SPART: variants seen among roughly 807,000 people sequenced by gnomAD.
The protein encoded by SPART is spastic paraplegia 20 (Troyer syndrome).
A neutral mutation model predicts 58.7 loss-of-function variants in SPART; 35 were observed. The ratio of observed to expected loss-of-function variants is 0.60; its 90% confidence interval spans 0.46 to 0.79. SPART has a LOEUF of 0.79. Ranked by LOEUF, SPART falls within the 30% of genes least tolerant of loss-of-function variation. SPART has a pLI of 0.00. For synonymous variants in SPART, 284 were observed against 280.7 expected, an observed-to-expected ratio of 1.01 and a Z score of -0.12; for missense variants, 730 against 786.1, an observed-to-expected ratio of 0.93 and a Z score of 0.85.
In SPART at chr13:36,329,448, G is replaced by T; in HGVS notation, c.1078C>A (p.Gln360Lys). The change falls in exon 4 of 9, where the codon CAA (glutamine) becomes AAA (lysine). Residue 360 changes from glutamine to lysine, a missense_variant. Physicochemically the swap from Gln to Lys is moderately conservative, Grantham distance 53. Transcript: ENST00000438666. Reference protein sequence around the residue: ...IPGRTRPSSDQLKEASGTDVK... With the variant: ...IPGRTRPSSDKLKEASGTDVK... ...TCAGTGCCAGAGGCTTCTTTTAGTT[G>T]GTCAGAGGAGGGTCTAGTTCTTCCA... is the stretch of plus-strand genomic sequence containing the variant. The T allele has an allele frequency of 6.8e-6, 11 of 1,614,012 alleles. No homozygotes were observed. The highest frequency in any genetic ancestry group is 9.3e-6 in the Non-Finnish European group (11 of 1,179,968).
intron 1 of SPART, among the ~76,000 whole-genome samples, chr13:36,341,621 T>C (rs1884598178): frequency 6.6e-6 from 1 of 152,136 alleles, no homozygotes; most frequent in Admixed American, 6.5e-5. Context: ...TTCACTGATA[T>C]GAAACTATTT....
At chr13:36,355,197 T>C (rs1885573908) in intron 1 of SPART, among the ~76,000 whole-genome samples, 2 of 152,206 alleles carry the variant, frequency 1.3e-5, no homozygotes, top group Non-Finnish European at 2.9e-5. Context: ...CACCTTGCTT[T>C]GTTGCCAGGC....
intron 5 of SPART, 74 bp from the exon 6 acceptor site, chr13:36,314,495 C>A: frequency 7.2e-7 from 1 of 1,394,650 alleles, no homozygotes; most frequent in Admixed American, 1.7e-5. Context: ...TAAATAACAT[C>A]AACCAGAAAA....
At position 36,342,010 on chromosome 13, in the gene SPART, G is replaced by C. The variant is rs141472071; in HGVS notation, c.-3+4215C>G. Among the ~76,000 whole-genome samples, 1,442 of 152,284 alleles carry C rather than the reference G, an allele frequency of 9.5e-3. 27 individuals carry two copies. The highest frequency in any genetic ancestry group is 0.033 in the African/African-American group (1,363 of 41,544). On this transcript the variant is annotated intron_variant, in intron 1 of 8. Coordinates refer to ENST00000438666, the MANE Select transcript of SPART (RefSeq NM_015087.5). Reference sequence around the variant, plus strand: ...GAGGCCCAGACTAAGGCAGCAGAAAGACAGCAGAGGTTAAATAGGCATCTG... The same window carrying C: ...GAGGCCCAGACTAAGGCAGCAGAAACACAGCAGAGGTTAAATAGGCATCTG...
chr13:36,335,321 A>T lies in SPART; in HGVS notation c.510T>A (p.Ala170=), dbSNP rs980883933. 1 of 1,613,850 alleles carries T rather than the reference A, an allele frequency of 6.2e-7. No individual in the cohort carries two copies. Among genetic ancestry groups the T allele is most frequent in the African/African-American group, 1.3e-5 (1 of 74,898 alleles). The change falls in exon 2 of 9, where the codon GCT becomes GCA. Residue 170 remains alanine, a synonymous_variant. Transcript: ENST00000438666. ...CAGCTTGAGGAGTATAAGCAGGAGGAGCTTCTGCTGGACAACTTTGTGATG... is the reference window on the plus strand; with the variant it reads ...CAGCTTGAGGAGTATAAGCAGGAGGTGCTTCTGCTGGACAACTTTGTGATG... ...SLPSQSCPAE[A]PPAYTPQAAE...
intron 5 of SPART, among the ~76,000 whole-genome samples, chr13:36,321,617 G>T (rs947443378): frequency 2.0e-5 from 3 of 151,806 alleles, no homozygotes; most frequent in African/African-American, 7.3e-5. Context: ...CCCTAATCCC[G>T]CTTGAAGCAG....
rs753824416 is a variant in SPART at position 36,314,409 on chromosome 13, A to G, written c.1301T>C (p.Val434Ala). 6.2e-7 allele frequency: 1 copy of G among 1,614,066 alleles called. No individual in the cohort carries two copies. The highest frequency in any genetic ancestry group is 1.1e-5 in the South Asian group (1 of 91,084). The change falls in exon 6 of 9, where the codon GTG becomes GCG. Residue 434 changes from valine to alanine, a missense_variant. Coordinates refer to ENST00000438666, the MANE Select transcript of SPART (RefSeq NM_015087.5). ...AHNILSGASW[V>A]SWGLVKGAEI... ...AGCACCTTTGACTAAACCCCAACTC[A>G]CCCAGGAAGCACCTTTTTAAAAGAA...
chr13:36,354,744 G>C (rs138436267), intron 1 of SPART, among the ~76,000 whole-genome samples: 11 of 152,300 alleles, frequency 7.2e-5, no homozygotes, highest in Admixed American at 7.2e-4. Flanking sequence ...AGTCCTGTGA[G>C]TCCTCCTAGT....
chr13:36,364,067 C>A (rs942760532), intron 1 of SPART, among the ~76,000 whole-genome samples: 15 of 152,190 alleles, frequency 9.9e-5, no homozygotes, highest in African/African-American at 3.6e-4. Context: ...ACCACCATCA[C>A]AGTCTTCCTG....
At chr13:36,359,932 A>AAAAAAC (rs1555266108) in intron 1 of SPART, among the ~76,000 whole-genome samples, 13 of 151,114 alleles carry the variant, frequency 8.6e-5, no homozygotes, top group African/African-American at 2.4e-4. Context: ...TTAAAAAAAA[A>AAAAAAC]AAAAAAAAAA....
intron 2 of SPART, among the ~76,000 whole-genome samples, chr13:36,331,880 T>TG (rs1339938855): frequency 1.3e-5 from 2 of 152,202 alleles, no homozygotes; most frequent in Non-Finnish European, 2.9e-5. Context: ...TAACCAATAA[T>TG]GACTCCAGCT....
At chr13:36,339,713 G>T (rs1457742872) in intron 1 of SPART, among the ~76,000 whole-genome samples, 1 of 137,488 alleles carries the variant, frequency 7.3e-6, no homozygotes, top group African/African-American at 2.7e-5. Context: ...AGGGATGAAA[G>T]AATTAAAGAA....
chr13:36,311,053 G>T (rs760589968), intron 8 of SPART, among the ~76,000 whole-genome samples: 1 of 152,112 alleles, frequency 6.6e-6, no homozygotes, highest in Non-Finnish European at 1.5e-5. Flanking sequence ...CCTAGTCAGG[G>T]TCTCCTAGAG....
At chr13:36,331,651 TTTTCA>T (rs1883478917) in intron 2 of SPART, 55 bp from the exon 3 acceptor site, 3 of 1,243,112 alleles carry the variant, frequency 2.4e-6, no homozygotes, top group Non-Finnish European at 3.4e-6. Context: ...TGAAACTAGA[TTTTCA>T]TTTATGTTTT....
intron 5 of SPART, among the ~76,000 whole-genome samples, chr13:36,320,556 A>G (rs1005217921): frequency 6.6e-6 from 1 of 152,196 alleles, no homozygotes; most frequent in Non-Finnish European, 1.5e-5. Flanking sequence ...CCTCAAGGAA[A>G]TAACTTCTCA....
rs1294759633 is a variant in SPART at position 36,334,234 on chromosome 13, G to C, written c.810+787C>G. On this transcript the variant is annotated intron_variant, in intron 2 of 8. Transcript: ENST00000438666. ...ATCTTTTAAAACGAGACTGTCACTG[G>C]ACCACTCTCTTCAGAGTACCTCACT... 2.6e-5 allele frequency among the ~76,000 whole-genome samples: 4 copies of C among 151,996 alleles called. No homozygotes were observed. In the East Asian group the frequency reaches 7.7e-4, roughly 29 times the overall value.
chr13:36,361,896 C>A (rs534855021), intron 1 of SPART, among the ~76,000 whole-genome samples: 2 of 152,102 alleles, frequency 1.3e-5, no homozygotes, highest in African/African-American at 2.4e-5. Flanking sequence ...AAGACAAATT[C>A]TTGACTGCAT....
At chr13:36,316,565 T>C (rs1243713863) in intron 5 of SPART, among the ~76,000 whole-genome samples, 1 of 152,096 alleles carries the variant, frequency 6.6e-6, no homozygotes, top group Non-Finnish European at 1.5e-5. Context: ...ACTGAGCACC[T>C]TGCGACCCCC....
rs188620997 is a variant in SPART at position 36,331,592 on chromosome 13, C to A, written c.815G>T (p.Cys272Phe). The A allele has an allele frequency of 6.2e-7, 1 of 1,612,476 alleles. No homozygotes were observed. The highest frequency in any genetic ancestry group is 1.7e-5 in the Admixed American group (1 of 59,986). ...AGGAACTAGAGGATATAACCAGTCACAAACCTGAAAGGATTCATTAGAAGA... is the reference window on the plus strand; with the variant it reads ...AGGAACTAGAGGATATAACCAGTCAAAAACCTGAAAGGATTCATTAGAAGA... Reference protein sequence around the residue: ...LNRPPGFLQVCDWLYPLVPDR... With the variant: ...LNRPPGFLQVFDWLYPLVPDR... Residue 272 changes from cysteine (C) to phenylalanine (F), a missense_variant, in exon 3 of 9, where the codon TGT becomes TTT. Physicochemically the swap from Cys to Phe is radical, Grantham distance 205. Transcript: ENST00000438666.
Sources: allele counts gnomAD v4.1 joint callset (sites outside exome capture counted in the v4.1 genomes callset), GRCh38; gene constraint gnomAD v4.1.1; transcripts MANE v1.5; gene names NCBI Gene and HGNC (gene_info 2026-07-23, HGNC 2026-07-21).